The following GRIA4 variants were observed in gnomAD, a reference collection of about 807,000 sequenced individuals.
The protein encoded by GRIA4 is glutamate receptor 4.
GRIA4 carries 34 observed loss-of-function variants against 104.0 expected under a neutral mutation model. The observed-to-expected ratio is 0.33, with a 90% CI of 0.25 to 0.44. The LOEUF is 0.44. GRIA4 is among the 20% of genes least tolerant of loss of function. The probability of loss-of-function intolerance (pLI) is 1.00; values close to 1 mark genes in which losing one functional copy is unlikely to be tolerated. For missense variants in GRIA4, 750 were observed against 1,096.5 expected, an observed-to-expected ratio of 0.68 and a Z score of 4.46; for synonymous variants, 386 against 381.9, an observed-to-expected ratio of 1.01 and a Z score of -0.13.
At chr11:105,613,947 T>C (rs1237279803) in intron 3 of GRIA4, 2 of 152,028 alleles carry the variant, frequency 1.3e-5, no homozygotes, top group African/African-American at 2.4e-5. Flanking sequence ...GGTTTGTGGG[T>C]AGTCCTTTTT....
At chr11:105,680,086 C>T (rs1952661288) in intron 3 of GRIA4, among the ~76,000 whole-genome samples, 1 of 152,232 alleles carries the variant, frequency 6.6e-6, no homozygotes, top group South Asian at 2.1e-4. Flanking sequence ...GCCGGTTTAC[C>T]TAGAAGCATG....
intron 3 of GRIA4, among the ~76,000 whole-genome samples, chr11:105,661,083 C>G (rs915153191): frequency 6.6e-6 from 1 of 151,298 alleles, no homozygotes; most frequent in African/African-American, 2.4e-5. Flanking sequence ...CACCAATTTT[C>G]AAAGTGGAAG....
intron 4 of GRIA4, among the ~76,000 whole-genome samples, chr11:105,755,908 C>A (rs1940284114): frequency 6.6e-6 from 1 of 152,086 alleles, no homozygotes; most frequent in Non-Finnish European, 1.5e-5. Flanking sequence ...GAATTTCAGT[C>A]CTTAGGACTT....
intron 3 of GRIA4, among the ~76,000 whole-genome samples, chr11:105,664,731 T>A (rs1384870470): frequency 6.6e-6 from 1 of 152,012 alleles, no homozygotes; most frequent in Non-Finnish European, 1.5e-5. Flanking sequence ...GAAATCACTT[T>A]TGGACCAATG....
intron 4 of GRIA4, among the ~76,000 whole-genome samples, chr11:105,848,907 G>A (rs987152794): frequency 2.0e-5 from 3 of 152,054 alleles, no homozygotes; most frequent in Non-Finnish European, 2.9e-5. Context: ...CCCCCACGTC[G>A]ACCTGGCAGG....
chr11:105,912,691 G>A (rs1211533388), intron 10 of GRIA4: 11 of 906,694 alleles, frequency 1.2e-5, no homozygotes, highest in Admixed American at 6.2e-5. Flanking sequence ...TCTGATATTT[G>A]CAACTGCATA....
At chr11:105,739,195 A>T (rs1939156353) in intron 3 of GRIA4, among the ~76,000 whole-genome samples, 1 of 152,156 alleles carries the variant, frequency 6.6e-6, no homozygotes, top group East Asian at 1.9e-4. Context: ...CCTTCTGCTT[A>T]TTCCTTTGTA....
At chr11:105,892,690 CTTCCCG>C (rs1946500095) in intron 6 of GRIA4, among the ~76,000 whole-genome samples, 1 of 152,140 alleles carries the variant, frequency 6.6e-6, no homozygotes, top group Non-Finnish European at 1.5e-5. Context: ...TACTTTTGTG[CTTCCCG>C]TTTTTTAACT....
intron 3 of GRIA4, chr11:105,613,279 C>T (rs1033826416): frequency 2.0e-5 from 3 of 152,114 alleles, no homozygotes; most frequent in Non-Finnish European, 4.4e-5. Context: ...TAGTTTAAAA[C>T]ACATTGAAAC....
At chr11:105,796,367 A>T (rs1411379026) in intron 4 of GRIA4, among the ~76,000 whole-genome samples, 1 of 152,150 alleles carries the variant, frequency 6.6e-6, no homozygotes, top group Non-Finnish European at 1.5e-5. Flanking sequence ...TTTGATATTG[A>T]TTATATAAGT....
intron 3 of GRIA4, among the ~76,000 whole-genome samples, chr11:105,642,008 C>T (rs551262356): frequency 2.0e-5 from 3 of 152,150 alleles, no homozygotes; most frequent in Admixed American, 6.6e-5. Flanking sequence ...CATTATCTCC[C>T]TGTGTCTTAA....
At chr11:105,678,298 T>G (rs1266932660) in intron 3 of GRIA4, among the ~76,000 whole-genome samples, 1 of 152,060 alleles carries the variant, frequency 6.6e-6, no homozygotes, top group Non-Finnish European at 1.5e-5. Flanking sequence ...ATTTCAGCAT[T>G]GATTACAATG....
chr11:105,862,329 T>A (rs2090579920), intron 5 of GRIA4, 121 bp downstream of exon 5: 1 of 630,284 alleles, frequency 1.6e-6, no homozygotes, highest in Admixed American at 2.9e-5. Context: ...GTTTGAGAGT[T>A]TTCATTCCAT....
intron 12 of GRIA4, among the ~76,000 whole-genome samples, chr11:105,926,392 A>G (rs558519047): frequency 3.3e-5 from 5 of 152,154 alleles, no homozygotes; most frequent in Non-Finnish European, 7.3e-5. Context: ...GCTGCATCCT[A>G]ATTTCAGAGA....
At chr11:105,946,856 T>A (rs1344753667) in intron 14 of GRIA4, among the ~76,000 whole-genome samples, 1 of 152,118 alleles carries the variant, frequency 6.6e-6, no homozygotes, top group Admixed American at 6.5e-5. Flanking sequence ...ACCAAAAAAA[T>A]GAGAATTCAG....
At chr11:105,905,834 G>A (rs566936041) in intron 9 of GRIA4, among the ~76,000 whole-genome samples, 3 of 152,274 alleles carry the variant, frequency 2.0e-5, no homozygotes, top group South Asian at 4.1e-4. Context: ...GTTCAGGAAG[G>A]TGCTGGTGCT....
chr11:105,832,738 A>C (rs967452509), intron 4 of GRIA4, among the ~76,000 whole-genome samples: 3 of 152,072 alleles, frequency 2.0e-5, no homozygotes, highest in Non-Finnish European at 4.4e-5. Flanking sequence ...TATCAGCCTT[A>C]GCAGAGAAGA....
At chr11:105,818,041 G>C (rs922654710) in intron 4 of GRIA4, among the ~76,000 whole-genome samples, 2 of 152,100 alleles carry the variant, frequency 1.3e-5, no homozygotes, top group African/African-American at 4.8e-5. Flanking sequence ...TGTGGAATTA[G>C]AAAGACAAAG....
At chr11:105,722,790 A>C (rs1373286336) in intron 3 of GRIA4, among the ~76,000 whole-genome samples, 1 of 152,130 alleles carries the variant, frequency 6.6e-6, no homozygotes, top group Non-Finnish European at 1.5e-5. Flanking sequence ...ATTGTATTAC[A>C]TACATAAAAT....
Sources: allele counts gnomAD v4.1 joint callset (sites outside exome capture counted in the v4.1 genomes callset), GRCh38; gene constraint gnomAD v4.1.1; transcripts MANE v1.5; gene names NCBI Gene and HGNC (gene_info 2026-07-23, HGNC 2026-07-21).